Variants in ANKRD45 observed in about 807,000 individuals in gnomAD.
ANKRD45 encodes the protein ankyrin repeat domain 45.
A neutral mutation model predicts 28.1 loss-of-function variants in ANKRD45; 21 were observed. The ratio of observed to expected loss-of-function variants is 0.75; its 90% CI spans 0.53 to 1.08. ANKRD45 has a LOEUF of 1.08. Among genes scored for constraint, ANKRD45 ranks in the 50% least tolerant of loss-of-function variants. ANKRD45 has a pLI of 0.00. For synonymous variants in ANKRD45, 86 were observed against 103.9 expected (o/e 0.83, Z 1.05); for missense variants, 261 against 308.7 (o/e 0.85, Z 1.16).
At chr1:173,657,763 T>C (rs2102384977) in intron 2 of ANKRD45, 1 of 150,978 alleles carries the variant, frequency 6.6e-6, no homozygotes, top group Admixed American at 6.6e-5. Flanking sequence ...GCACCTGGCC[T>C]CTGGCCTATT....
chr1:173,641,688 G>A (rs1488323878), intron 3 of ANKRD45, among the ~76,000 whole-genome samples: 1 of 152,068 alleles, frequency 6.6e-6, no homozygotes, highest in South Asian at 2.1e-4. Flanking sequence ...GTCAGTCTGC[G>A]AAAGTAAAAA....
chr1:173,670,925 AACGG>A (rs1026680397), upstream of ANKRD45, among the ~76,000 whole-genome samples: 2 of 152,210 alleles, frequency 1.3e-5, no homozygotes, highest in African/African-American at 4.8e-5. Flanking sequence ...ACTTTTTAAT[AACGG>A]TCTTGCAAGA....
At position 173,658,151 on chromosome 1, in the gene ANKRD45, C is replaced by T. The variant is rs373506490; in HGVS notation, c.328+940G>A. ...CAGCCTGGCCAACATGGTGAAACCC[C>T]GTCTCTACCAAAAAATACAAAAATT... On this transcript the variant is annotated intron_variant, in intron 2 of 5. Coordinates refer to ENST00000333279, the MANE Select transcript of ANKRD45 (RefSeq NM_198493.3). 2.0e-3 allele frequency: 332 copies of T among 164,842 alleles called. 1 individual carries two copies. The highest frequency in any genetic ancestry group is 9.0e-3 in the Middle Eastern group (3 of 334). 10.2% of individuals were successfully genotyped at this position (164,842 alleles called of 1,614,324 possible).
chr1:173,690,449 G>C, the ANKRD45 span, among the ~76,000 whole-genome samples: 3 of 152,046 alleles, frequency 2.0e-5, no homozygotes, highest in Non-Finnish European at 2.9e-5. Context: ...TGCCAGATTT[G>C]GTTCTTCCCT....
intron 5 of ANKRD45, among the ~76,000 whole-genome samples, chr1:173,615,369 G>A (rs1667416839): frequency 7.5e-6 from 1 of 132,484 alleles, no homozygotes; most frequent in Non-Finnish European, 1.6e-5. Flanking sequence ...TGGCGACAGA[G>A]TAAGACTCCG....
the ANKRD45 span, among the ~76,000 whole-genome samples, chr1:173,708,783 A>G: frequency 6.6e-6 from 1 of 152,184 alleles, no homozygotes. Context: ...CTAGACTGAG[A>G]AATTGTAAAG....
At chr1:173,692,961 GGTTCT>G in the ANKRD45 span, among the ~76,000 whole-genome samples, 1 of 152,092 alleles carries the variant, frequency 6.6e-6, no homozygotes, top group Non-Finnish European at 1.5e-5. Flanking sequence ...CTGGCTTTGT[GGTTCT>G]GTTCTTATAT....
chr1:173,610,533 G>A (rs1667099431), intron 5 of ANKRD45, among the ~76,000 whole-genome samples: 2 of 152,110 alleles, frequency 1.3e-5, no homozygotes, highest in African/African-American at 2.4e-5. Context: ...TCATTTCAGA[G>A]GTTCCATCAA....
intron 5 of ANKRD45, among the ~76,000 whole-genome samples, chr1:173,611,128 C>T (rs1316574207): frequency 1.3e-5 from 2 of 152,204 alleles, no homozygotes; most frequent in East Asian, 3.8e-4. Context: ...GACTCAGCTA[C>T]AATCAGCCAC....
In ANKRD45 at chr1:173,608,386, C is replaced by T. The variant is rs1164772093; in HGVS notation, c.*1759G>A. Among the ~76,000 whole-genome samples the T allele has an allele frequency of 1.3e-5, 2 of 152,062 alleles. No homozygotes were observed. The highest frequency in any genetic ancestry group is 2.9e-5 in the Non-Finnish European group (2 of 68,006). Reference sequence around the variant, plus strand: ...AGGCTGGAATGCAGTGGTGCGATCTCGGCTCACTGCAACCTCCACCTCCCG... The same window carrying T: ...AGGCTGGAATGCAGTGGTGCGATCTTGGCTCACTGCAACCTCCACCTCCCG... On this transcript the variant is annotated 3_prime_UTR_variant, in exon 6 of 6. Transcript: ENST00000333279.
chr1:173,669,906 G>C (rs1670196541), upstream of ANKRD45: 1 of 169,570 alleles, frequency 5.9e-6, no homozygotes, highest in African/African-American at 2.4e-5. Flanking sequence ...CCGGCAGCGC[G>C]GGAAGGTTAT....
chr1:173,641,677 C>T (rs1229326662), intron 3 of ANKRD45, among the ~76,000 whole-genome samples: 2 of 152,092 alleles, frequency 1.3e-5, no homozygotes, highest in Non-Finnish European at 2.9e-5. Flanking sequence ...CCTGGCATTT[C>T]GTCAGTCTGC....
chr1:173,689,625 C>T, the ANKRD45 span, among the ~76,000 whole-genome samples: 1 of 152,154 alleles, frequency 6.6e-6, no homozygotes, highest in Non-Finnish European at 1.5e-5. Context: ...CATTTGCTCC[C>T]TCAGTCTGTC....
intron 1 of ANKRD45, among the ~76,000 whole-genome samples, chr1:173,659,973 G>A (rs1021937922): frequency 6.6e-6 from 1 of 152,122 alleles, no homozygotes; most frequent in Non-Finnish European, 1.5e-5. Flanking sequence ...AATATGAAGT[G>A]CACAAAATAA....
the ANKRD45 span, among the ~76,000 whole-genome samples, chr1:173,694,830 C>A: frequency 3.9e-5 from 6 of 152,052 alleles, no homozygotes; most frequent in Non-Finnish European, 8.8e-5. Flanking sequence ...TTTTCCATAA[C>A]CATGGAATTT....
chr1:173,661,888 T>C (rs1423512694), intron 1 of ANKRD45, among the ~76,000 whole-genome samples: 2 of 152,100 alleles, frequency 1.3e-5, no homozygotes, highest in Non-Finnish European at 2.9e-5. Flanking sequence ...GAAATAAACA[T>C]GGTGAAACAC....
chr1:173,619,939 A>T (rs1164987402), intron 5 of ANKRD45, among the ~76,000 whole-genome samples: 1 of 152,200 alleles, frequency 6.6e-6, no homozygotes, highest in East Asian at 1.9e-4. Context: ...ATACAGGAGC[A>T]CCCAGATTCA....
At chr1:173,614,984 T>C (rs1558116190) in intron 5 of ANKRD45, among the ~76,000 whole-genome samples, 1 of 151,968 alleles carries the variant, frequency 6.6e-6, no homozygotes, top group Non-Finnish European at 1.5e-5. Flanking sequence ...ATCTGGCTAA[T>C]TTTTTTGTAT....
intron 2 of ANKRD45, among the ~76,000 whole-genome samples, chr1:173,648,041 C>T (rs1558136119): frequency 6.6e-6 from 1 of 152,064 alleles, no homozygotes; most frequent in Non-Finnish European, 1.5e-5. Context: ...GTCCCGGGTT[C>T]AAGCTATTCT....
Sources: gnomAD v4.1 joint callset for allele counts (sites outside exome capture counted in the v4.1 genomes callset) on GRCh38, gnomAD v4.1.1 for gene constraint, MANE v1.5 for transcripts, NCBI Gene and HGNC (gene_info 2026-07-23, HGNC 2026-07-21) for gene names.